Variants in DENND3 observed in about 807,000 individuals in gnomAD.
The protein encoded by DENND3 is DENN domain containing 3.
DENND3 carries 88 observed loss-of-function variants against 135.1 expected under a neutral mutation model. The ratio of observed to expected loss-of-function variants is 0.65; its 90% CI spans 0.55 to 0.78. The LOEUF is 0.78. Ranked by LOEUF, DENND3 falls within the 30% of genes least tolerant of loss-of-function variation. The pLI is 0.00. For missense variants in DENND3, 1,392 were observed against 1,688.4 expected (o/e 0.82, Z 3.08); for synonymous variants, 693 against 712.3 (o/e 0.97, Z 0.43).
At chr8:141,150,206 T>G in intron 5 of DENND3, 1 of 739,120 alleles carries the variant, frequency 1.4e-6, no homozygotes, top group South Asian at 1.7e-5. Flanking sequence ...ACTCGCTGTT[T>G]GCAGCCCATT....
At position 141,138,107 on chromosome 8, in the gene DENND3, C is replaced by T. The variant is rs202055045; in HGVS notation, c.471C>T (p.Gly157=). Residue 157 remains glycine, a synonymous_variant, in exon 3 of 23, where the codon GGC becomes GGT. Transcript: ENST00000519811. The surrounding 1 kb of genome is among the most constrained non-coding windows in gnomAD (Gnocchi z 4.8). The stretch of plus-strand genomic sequence containing the variant: ...ATGTCTGCGGGAATAGGACCTATGG[C>T]GTGGTGGCCCAGTACTACCGGCCCC... ...LTDVCGNRTY[G]VVAQYYRPLH... The T allele has an allele frequency of 4.4e-6, 7 of 1,609,022 alleles. No individual in the cohort carries two copies. Among genetic ancestry groups the T allele is most frequent in the South Asian group, 1.1e-5 (1 of 89,910 alleles).
intron 1 of DENND3, among the ~76,000 whole-genome samples, chr8:141,131,498 C>T (rs1189221610): frequency 6.6e-6 from 1 of 152,236 alleles, no homozygotes; most frequent in Non-Finnish European, 1.5e-5. Flanking sequence ...CCTCTCTTTG[C>T]ACCGTGCAGT....
chr8:141,165,724 A>G (rs376452460), intron 11 of DENND3, among the ~76,000 whole-genome samples: 24 of 152,224 alleles, frequency 1.6e-4, no homozygotes, highest in African/African-American at 5.8e-4. Flanking sequence ...TCAGCCTCCC[A>G]AAGTGCTGGG....
chr8:141,144,900 A>G lies in DENND3; in HGVS notation c.735+641A>G, dbSNP rs543107208. On this transcript the variant is annotated intron_variant, in intron 5 of 22. Transcript: ENST00000519811. The surrounding 1 kb of genome is among the most constrained non-coding windows in gnomAD (Gnocchi z 4.4). Reference sequence around the variant, plus strand: ...TTACTTTCCAACCTGACTCTGGTATAGCATCCATGACAGATAGCAGACCCT... The same window carrying G: ...TTACTTTCCAACCTGACTCTGGTATGGCATCCATGACAGATAGCAGACCCT... 2.0e-5 allele frequency among the ~76,000 whole-genome samples: 3 copies of G among 152,380 alleles called. No homozygotes were observed. The highest frequency in any genetic ancestry group is 4.1e-4 in the South Asian group (2 of 4,834).
chr8:141,150,556 G>A (rs1818672402), intron 5 of DENND3, among the ~76,000 whole-genome samples: 1 of 152,186 alleles, frequency 6.6e-6, no homozygotes, highest in Non-Finnish European at 1.5e-5. Flanking sequence ...GTTTATCTCT[G>A]TCTAGACAAT....
Position 141,141,133 on chromosome 8 carries a change from C to T in DENND3, c.502-70C>T. 1 of 1,609,246 alleles carries T rather than the reference C, an allele frequency of 6.2e-7. No individual in the cohort carries two copies. Among genetic ancestry groups the T allele is most frequent in the Non-Finnish European group, 8.5e-7 (1 of 1,177,330 alleles). ...CAGCTTGCTGTGTGCTGAAACGTGA[C>T]CCAGTTGGAAACAGATACTGGAATT... On this transcript the variant is annotated intron_variant, in intron 3 of 22. Coordinates refer to ENST00000519811, the MANE Select transcript of DENND3 (RefSeq NM_001352890.3). This position sits in a 1 kb window ranked among gnomAD's most constrained non-coding sequence, Gnocchi z 5.3.
chr8:141,155,544 T>C (rs186287), intron 7 of DENND3, among the ~76,000 whole-genome samples: 105,883 of 151,872 alleles, frequency 0.7, 37,421 homozygotes, highest in African/African-American at 0.81. Context: ...GCTGGGACCA[T>C]AGGCATGTGC....
At chr8:141,190,129 A>G (rs1824517094) in intron 19 of DENND3, among the ~76,000 whole-genome samples, 155 bp from the exon 20 acceptor site, 1 of 151,666 alleles carries the variant, frequency 6.6e-6, no homozygotes, top group South Asian at 2.1e-4. Context: ...TTACGTTTGC[A>G]GGTTATTATG....
chr8:141,144,957 G>A lies in DENND3; in HGVS notation c.735+698G>A, dbSNP rs1323753274. On this transcript the variant is annotated intron_variant, in intron 5 of 22. Coordinates refer to ENST00000519811, the MANE Select transcript of DENND3 (RefSeq NM_001352890.3). This position sits in a 1 kb window ranked among gnomAD's most constrained non-coding sequence, Gnocchi z 4.4. The stretch of plus-strand genomic sequence containing the variant: ...AATCAAAGTATTTTACTGCAAATAT[G>A]TTTCTTTGACATATTTTGAAATGGC... Among the ~76,000 whole-genome samples, 1 of 152,194 alleles carries A rather than the reference G, an allele frequency of 6.6e-6. No individual in the cohort carries two copies. Among genetic ancestry groups the A allele is most frequent in the Non-Finnish European group, 1.5e-5 (1 of 68,028 alleles).
At chr8:141,171,862 C>T (rs1205577795) in intron 13 of DENND3, among the ~76,000 whole-genome samples, 3 of 144,316 alleles carry the variant, frequency 2.1e-5, no homozygotes, top group Non-Finnish European at 4.5e-5. Flanking sequence ...CCTAGATGTG[C>T]ACGCTGTTGG....
intron 17 of DENND3, 74 bp from the exon 18 acceptor site, chr8:141,185,061 CTGAG>C (rs1267712490): frequency 3.9e-6 from 6 of 1,544,438 alleles, no homozygotes. Flanking sequence ...CAGGAGGCAC[CTGAG>C]TAAGGGCACC....
At position 141,141,410 on chromosome 8, in the gene DENND3, G is replaced by T. The variant is rs558891515; in HGVS notation, c.623+86G>T. ...GAGCCAAGGGACCAGGGGGCTGGAGGTGGTGGGGGGGCAGCTCTCTGTTCC... is the reference window on the plus strand; with the variant it reads ...GAGCCAAGGGACCAGGGGGCTGGAGTTGGTGGGGGGGCAGCTCTCTGTTCC... On this transcript the variant is annotated intron_variant, in intron 4 of 22. Transcript: ENST00000519811. The surrounding 1 kb of genome is among the most constrained non-coding windows in gnomAD (Gnocchi z 5.3). 1 of 1,507,004 alleles carries T rather than the reference G, an allele frequency of 6.6e-7. No homozygotes were observed. Among genetic ancestry groups the T allele is most frequent in the African/African-American group, 1.4e-5 (1 of 71,910 alleles). The allele number at this position is 1,507,004 out of a possible 1,614,324, so 93.4% of individuals were successfully genotyped here.
Position 141,130,508 on chromosome 8 carries a change from A to AG in DENND3, c.102+1702dup, listed in dbSNP as rs1815896233. On this transcript the variant is annotated intron_variant, in intron 1 of 22. Transcript: ENST00000519811. This position sits in a 1 kb window ranked among gnomAD's most constrained non-coding sequence, Gnocchi z 4.2. ...TTTGATTCTGTTAGGGGTTTGGCAA[A>AG]GGGTGGAGAGAAAAGTAGTGAAGGA... is the stretch of plus-strand genomic sequence containing the variant. 1.3e-5 allele frequency among the ~76,000 whole-genome samples: 2 copies of AG among 152,178 alleles called. No individual in the cohort carries two copies. The highest frequency in any genetic ancestry group is 4.1e-4 in the South Asian group (2 of 4,832).
chr8:141,142,282 A>G (rs1228898218), intron 4 of DENND3: 1 of 437,180 alleles, frequency 2.3e-6, no homozygotes, highest in Admixed American at 2.6e-5. Flanking sequence ...CTGAGAATTT[A>G]TATTTGTTTG....
In DENND3 at chr8:141,150,966, GC is replaced by G; in HGVS notation, c.855+17del. On this transcript the variant is annotated intron_variant, in intron 6 of 22. Coordinates refer to ENST00000519811, the MANE Select transcript of DENND3 (RefSeq NM_001352890.3). ...GAAGGTGCTACAGGTACGCGGCCCC[GC>G]CCCGGCGAGCGCGTCTTGTGCTCCC... 3 of 1,513,804 alleles carry G rather than the reference GC, an allele frequency of 2.0e-6. No individual in the cohort carries two copies. The highest frequency in any genetic ancestry group is 1.8e-6 in the Non-Finnish European group (2 of 1,135,518). The allele number at this position is 1,513,804 out of a possible 1,614,324, so 93.8% of individuals were successfully genotyped here.
At chr8:141,165,816 C>T (rs957092139) in intron 11 of DENND3, among the ~76,000 whole-genome samples, 1 of 152,100 alleles carries the variant, frequency 6.6e-6, no homozygotes, top group Non-Finnish European at 1.5e-5. Context: ...TAGCATGCTC[C>T]CCGTGGTTTG....
chr8:141,158,282 T>C (rs1347550115), intron 8 of DENND3: 2 of 1,287,112 alleles, frequency 1.6e-6, no homozygotes, highest in South Asian at 1.2e-5. Flanking sequence ...TCTCAGTTAC[T>C]TTCTGGTAAG....
At position 141,194,882 on chromosome 8, in the gene DENND3, T is replaced by C. The variant is rs1444464978; in HGVS notation, c.*649T>C. Reference sequence around the variant, plus strand: ...TGTCTTTTTTCCCTTTTCTTTTTAATAGATGCAACATTTTTATAATAATCC... The same window carrying C: ...TGTCTTTTTTCCCTTTTCTTTTTAACAGATGCAACATTTTTATAATAATCC... On this transcript the variant is annotated 3_prime_UTR_variant, in exon 23 of 23. Coordinates refer to ENST00000519811, the MANE Select transcript of DENND3 (RefSeq NM_001352890.3). The C allele has an allele frequency of 6.6e-6, 1 of 152,268 alleles. No individual in the cohort carries two copies. The highest frequency in any genetic ancestry group is 1.5e-5 in the Non-Finnish European group (1 of 68,068). 9.4% of individuals were successfully genotyped at this position (152,268 alleles called of 1,614,324 possible).
intron 8 of DENND3, chr8:141,157,416 G>A: frequency 1.0e-6 from 1 of 985,470 alleles, no homozygotes; most frequent in Non-Finnish European, 1.2e-6. Context: ...GATAGCAGGA[G>A]GAGAGATCCT....
Sources: allele counts gnomAD v4.1 joint callset (sites outside exome capture counted in the v4.1 genomes callset), GRCh38; gene constraint gnomAD v4.1.1; non-coding constraint Gnocchi (gnomAD v3.1); transcripts MANE v1.5; gene names NCBI Gene and HGNC (gene_info 2026-07-23, HGNC 2026-07-21).